ABHD12: variants seen among roughly 807,000 people sequenced by gnomAD.
The protein encoded by ABHD12 is lysophosphatidylserine lipase ABHD12.
Under a neutral mutation model 58.3 loss-of-function variants are expected in ABHD12, and 43 were observed. The observed-to-expected ratio is 0.74, with a 90% CI of 0.58 to 0.95. ABHD12 has a LOEUF of 0.95. Among genes scored for constraint, ABHD12 ranks in the 40% least tolerant of loss-of-function variants. The probability of loss-of-function intolerance (pLI) is 0.00; values close to 1 mark genes in which losing one functional copy is unlikely to be tolerated. For synonymous variants in ABHD12, 219 were observed against 211.2 expected (o/e 1.04, Z -0.32); for missense variants, 539 against 537.2 (o/e 1.00, Z -0.03).
intron 1 of ABHD12, among the ~76,000 whole-genome samples, chr20:25,352,063 C>T (rs1383260284): frequency 6.6e-6 from 1 of 152,076 alleles, no homozygotes; most frequent in African/African-American, 2.4e-5. Flanking sequence ...ATGATCTCGG[C>T]TCACCGCAAC....
intron 1 of ABHD12, among the ~76,000 whole-genome samples, chr20:25,339,992 C>A (rs560326357): frequency 6.6e-6 from 1 of 152,360 alleles, no homozygotes; most frequent in East Asian, 1.9e-4. Context: ...TCCTCTCCAG[C>A]TCCAGAGTTC....
At chr20:25,308,384 C>T in intron 8 of ABHD12, 73 bp downstream of exon 8, 2 of 1,565,814 alleles carry the variant, frequency 1.3e-6, no homozygotes, top group South Asian at 2.3e-5. Flanking sequence ...ACGCTGAGCA[C>T]TTGCAGCAGG....
chr20:25,297,854 G>C (rs137886008), downstream of ABHD12: 2 of 152,210 alleles, frequency 1.3e-5, no homozygotes, highest in South Asian at 2.1e-4. Context: ...GGCTGTGGTC[G>C]TGCCCTGACA....
chr20:25,389,203 G>A (rs892097373), intron 1 of ABHD12, among the ~76,000 whole-genome samples: 2 of 152,156 alleles, frequency 1.3e-5, no homozygotes, highest in African/African-American at 2.4e-5. Flanking sequence ...AGTTTTTAAT[G>A]CAGATAAATC....
intron 6 of ABHD12, among the ~76,000 whole-genome samples, chr20:25,312,458 G>C (rs1163716216): frequency 1.9e-5 from 2 of 104,470 alleles, no homozygotes; most frequent in African/African-American, 7.1e-5. Flanking sequence ...CGGGATTGCA[G>C]ACGGAGTCTC....
intron 1 of ABHD12, among the ~76,000 whole-genome samples, chr20:25,381,626 C>CTTT (rs776504228): frequency 8.4e-5 from 12 of 142,062 alleles, no homozygotes; most frequent in African/African-American, 1.6e-4. Flanking sequence ...TCAGTACCCT[C>CTTT]TTTTTTTTTT....
intron 1 of ABHD12, chr20:25,368,436 A>G (rs1421662672): frequency 1.3e-6 from 2 of 1,599,066 alleles, no homozygotes; most frequent in East Asian, 2.2e-5. Flanking sequence ...CAGATGAAAA[A>G]CTGGGAACCG....
intron 1 of ABHD12, among the ~76,000 whole-genome samples, chr20:25,380,125 G>C (rs946811003): frequency 2.0e-5 from 3 of 152,146 alleles, no homozygotes; most frequent in Non-Finnish European, 4.4e-5. Context: ...GCCCTTCAGT[G>C]TAATTCCCTT....
At chr20:25,376,880 T>C (rs1158837392) in intron 1 of ABHD12, among the ~76,000 whole-genome samples, 3 of 152,226 alleles carry the variant, frequency 2.0e-5, no homozygotes, top group Non-Finnish European at 4.4e-5. Flanking sequence ...AGAGGGAGTT[T>C]CACTTTCTCT....
intron 2 of ABHD12, among the ~76,000 whole-genome samples, chr20:25,337,016 C>G (rs921025175): frequency 2.6e-5 from 4 of 152,180 alleles, no homozygotes; most frequent in African/African-American, 9.7e-5. Flanking sequence ...AATCCCAGCA[C>G]GTTGGGAGGC....
At chr20:25,343,256 C>T (rs987901414) in intron 1 of ABHD12, among the ~76,000 whole-genome samples, 6 of 152,184 alleles carry the variant, frequency 3.9e-5, no homozygotes, top group African/African-American at 1.4e-4. Flanking sequence ...CAGATGGGTT[C>T]ACTGGGGAAT....
chr20:25,350,139 C>CA, intron 1 of ABHD12, among the ~76,000 whole-genome samples: 1 of 152,240 alleles, frequency 6.6e-6, no homozygotes, highest in Non-Finnish European at 1.5e-5. Context: ...ATACCTGCTT[C>CA]AAACCAGTAA....
chr20:25,387,936 G>A (rs780873845), intron 1 of ABHD12, among the ~76,000 whole-genome samples: 3 of 151,472 alleles, frequency 2.0e-5, no homozygotes, highest in Non-Finnish European at 4.4e-5. Context: ...AGCTACTCAG[G>A]AGGCTGGGGC....
downstream of ABHD12, among the ~76,000 whole-genome samples, chr20:25,299,204 C>T (rs1054435866): frequency 2.0e-5 from 3 of 152,200 alleles, no homozygotes; most frequent in African/African-American, 7.2e-5. Context: ...CGAGACCAGC[C>T]TGGGCAACAT....
intron 1 of ABHD12, among the ~76,000 whole-genome samples, chr20:25,384,155 AG>A (rs372913327): frequency 3.2e-4 from 14 of 43,394 alleles, no homozygotes; most frequent in Middle Eastern, 0.014. Context: ...AAAAAAAAAA[AG>A]AAAAAAAAAA....
chr20:25,370,126 C>T (rs1204117984), intron 1 of ABHD12, among the ~76,000 whole-genome samples: 1 of 152,168 alleles, frequency 6.6e-6, no homozygotes, highest in African/African-American at 2.4e-5. Context: ...CACACTCATC[C>T]TTCAAAGCTT....
chr20:25,340,677 C>A (rs2482926), intron 1 of ABHD12, among the ~76,000 whole-genome samples: 226 of 152,322 alleles, frequency 1.5e-3, no homozygotes, highest in Middle Eastern at 6.8e-3. Context: ...ACATATTGAA[C>A]TGCTGATACA....
At chr20:25,390,019 T>G (rs556901730) in intron 1 of ABHD12, 1 of 152,576 alleles carries the variant, frequency 6.6e-6, no homozygotes, top group South Asian at 2.1e-4. Flanking sequence ...GTGTGGGGCC[T>G]GATGCAGAGC....
At chr20:25,363,437 T>C (rs1003478771) in intron 1 of ABHD12, among the ~76,000 whole-genome samples, 6 of 150,604 alleles carry the variant, frequency 4.0e-5, no homozygotes, top group African/African-American at 1.5e-4. Context: ...CAGGATGGTG[T>C]GCATCTCCTG....
Sources: allele counts gnomAD v4.1 joint callset (sites outside exome capture counted in the v4.1 genomes callset), GRCh38; gene constraint gnomAD v4.1.1; transcripts MANE v1.5; gene names NCBI Gene and HGNC (gene_info 2026-07-23, HGNC 2026-07-21).